Variants in NRG3 observed in about 807,000 individuals in gnomAD.
The protein encoded by NRG3 is pro-neuregulin-3, membrane-bound isoform.
NRG3 carries 31 observed loss-of-function variants against 66.9 expected under a neutral mutation model. That is an observed-to-expected ratio of 0.46 (90% CI 0.35 to 0.63). The LOEUF is 0.63. NRG3 is among the 20% of genes least tolerant of loss of function. The probability of loss-of-function intolerance (pLI) is 0.00; values close to 1 mark genes in which losing one functional copy is unlikely to be tolerated. For synonymous variants in NRG3, 393 were observed against 359.4 expected, an observed-to-expected ratio of 1.09 and a Z score of -1.06; for missense variants, 910 against 878.9, an observed-to-expected ratio of 1.04 and a Z score of -0.45.
At chr10:82,515,970 A>G (rs1845609831) in intron 2 of NRG3, among the ~76,000 whole-genome samples, 1 of 152,218 alleles carries the variant, frequency 6.6e-6, no homozygotes, top group African/African-American at 2.4e-5. Context: ...CAAACATCCA[A>G]GACAGTTTGT....
chr10:82,464,853 A>G (rs1402719286), intron 2 of NRG3, among the ~76,000 whole-genome samples: 6 of 152,206 alleles, frequency 3.9e-5, no homozygotes, highest in Non-Finnish European at 5.9e-5. Context: ...AACAGCAGCC[A>G]CTTAAGAAGC....
At chr10:81,895,531 C>T (rs1471364315) in intron 1 of NRG3, among the ~76,000 whole-genome samples, 2 of 152,090 alleles carry the variant, frequency 1.3e-5, no homozygotes, top group African/African-American at 4.8e-5. Context: ...CTATTACCAT[C>T]TTAATTAGGT....
Position 82,071,997 on chromosome 10 carries a change from A to G in NRG3, c.823+195834A>G, listed in dbSNP as rs559083555. ...CATACACACAGTCCAGTCCTTCTGA[A>G]TCCCATTTTATTAATTACCTATTTG... On this transcript the variant is annotated intron_variant, in intron 1 of 8. Coordinates refer to ENST00000372141, the MANE Select transcript of NRG3 (RefSeq NM_001010848.4). Among the ~76,000 whole-genome samples the G allele has an allele frequency of 8.5e-5, 13 of 152,300 alleles. No individual in the cohort carries two copies. The South Asian group carries it at 2.3e-3, about 27-fold the overall frequency.
chr10:81,878,868 T>A (rs1841923877), intron 1 of NRG3, among the ~76,000 whole-genome samples: 2 of 152,186 alleles, frequency 1.3e-5, no homozygotes, highest in South Asian at 4.1e-4. Flanking sequence ...CTTAGATCAA[T>A]CAGAAGGATC....
At chr10:82,658,353 G>C (rs145470167) in intron 2 of NRG3, among the ~76,000 whole-genome samples, 2,291 of 152,146 alleles carry the variant, frequency 0.015, 62 homozygotes, top group African/African-American at 0.051. Context: ...ATTCATTCCT[G>C]ATAGAAAAAC....
chr10:82,181,970 A>C (rs562797727), intron 1 of NRG3, among the ~76,000 whole-genome samples: 1 of 151,826 alleles, frequency 6.6e-6, no homozygotes, highest in Admixed American at 6.6e-5. Context: ...GTGTTATATC[A>C]TCTTGGTGAA....
At chr10:82,559,722 C>T (rs1390250155) in intron 2 of NRG3, among the ~76,000 whole-genome samples, 1 of 152,126 alleles carries the variant, frequency 6.6e-6, no homozygotes, top group Non-Finnish European at 1.5e-5. Flanking sequence ...AATATAAAAT[C>T]ATTTTATGTA....
In NRG3 at chr10:81,883,903, TTAAG is replaced by T. The variant is rs145466186; in HGVS notation, c.823+7744_823+7747del. Among the ~76,000 whole-genome samples, 420 of 152,268 alleles carry T rather than the reference TTAAG, an allele frequency of 2.8e-3. 2 individuals carry two copies. Among genetic ancestry groups the T allele is most frequent in the African/African-American group, 9.8e-3 (406 of 41,554 alleles). Reference sequence around the variant, plus strand: ...TCAGTCTTGGAAGGGGCTTAAGAATTTAAGTAATAATAAAAACGACAGCTGCCAT... The same window carrying T: ...TCAGTCTTGGAAGGGGCTTAAGAATTTAATAATAAAAACGACAGCTGCCAT... On this transcript the variant is annotated intron_variant, in intron 1 of 8. Transcript: ENST00000372141.
chr10:82,802,800 G>T (rs1385069178), intron 3 of NRG3, among the ~76,000 whole-genome samples: 3 of 151,796 alleles, frequency 2.0e-5, no homozygotes, highest in Non-Finnish European at 2.9e-5. Context: ...CTACAGGCAC[G>T]CACCACCAAG....
chr10:82,697,174 T>C (rs2055452446), intron 2 of NRG3, among the ~76,000 whole-genome samples: 1 of 152,184 alleles, frequency 6.6e-6, no homozygotes, highest in Non-Finnish European at 1.5e-5. Flanking sequence ...TCAAACATAC[T>C]TACACCACTT....
chr10:82,634,352 C>G (rs768665340), intron 2 of NRG3, among the ~76,000 whole-genome samples: 1 of 152,034 alleles, frequency 6.6e-6, no homozygotes, highest in Non-Finnish European at 1.5e-5. Context: ...TTTATGTATA[C>G]AGTACACAGA....
rs1276773308 is a variant in NRG3 at position 82,694,260 on chromosome 10, T to G, written c.954-44317T>G. On this transcript the variant is annotated intron_variant, in intron 2 of 8. Transcript: ENST00000372141. ...TGCGTTTTTACAGAGTGATGATGGGTGCATTTACAAGCCTTTAGCTAGACA... is the reference window on the plus strand; with the variant it reads ...TGCGTTTTTACAGAGTGATGATGGGGGCATTTACAAGCCTTTAGCTAGACA... Among the ~76,000 whole-genome samples the G allele has an allele frequency of 2.6e-5, 4 of 152,184 alleles. 1 individual carries two copies. In the East Asian group the frequency reaches 7.7e-4, roughly 29 times the overall value.
chr10:81,947,735 T>C (rs1259382633), intron 1 of NRG3, among the ~76,000 whole-genome samples: 2 of 152,020 alleles, frequency 1.3e-5, no homozygotes, highest in East Asian at 3.9e-4. Context: ...TATGACCTAG[T>C]CTAATCACTG....
intron 1 of NRG3, among the ~76,000 whole-genome samples, chr10:81,912,742 G>C (rs1034961269): frequency 3.9e-5 from 6 of 152,198 alleles, no homozygotes; most frequent in African/African-American, 1.4e-4. Context: ...AGGGATCCCA[G>C]TTGACAAGGC....
rs1176201025 is a variant in NRG3, at chr10:82,812,877, A to G, written c.1028-52534A>G. On this transcript the variant is annotated intron_variant, in intron 3 of 8. Transcript: ENST00000372141. ...TATGTTTATTTCAAAGAAGATAACC[A>G]GACAAAATTTGAATTTCTCCTCTGC... 2.0e-5 allele frequency among the ~76,000 whole-genome samples: 3 copies of G among 152,246 alleles called. No individual in the cohort carries two copies. In the East Asian group the frequency reaches 5.8e-4, roughly 29 times the overall value.
chr10:82,760,631 C>T (rs1004300402), intron 3 of NRG3, among the ~76,000 whole-genome samples: 1 of 151,826 alleles, frequency 6.6e-6, no homozygotes, highest in East Asian at 1.9e-4. Context: ...TGAAATAAAA[C>T]TATATTATTC....
At chr10:82,407,768 A>G (rs1233092634) in intron 2 of NRG3, among the ~76,000 whole-genome samples, 1 of 152,046 alleles carries the variant, frequency 6.6e-6, no homozygotes, top group Non-Finnish European at 1.5e-5. Flanking sequence ...TGAAGTTTAC[A>G]TGTTAAAATA....
intron 2 of NRG3, among the ~76,000 whole-genome samples, chr10:82,439,013 T>C (rs980181371): frequency 6.6e-6 from 1 of 152,162 alleles, no homozygotes; most frequent in African/African-American, 2.4e-5. Flanking sequence ...TTACTTTCTG[T>C]ACATTAACTT....
chr10:82,701,881 C>T (rs2055907366), intron 2 of NRG3, among the ~76,000 whole-genome samples: 1 of 152,140 alleles, frequency 6.6e-6, no homozygotes, highest in African/African-American at 2.4e-5. Context: ...ATTCTTCTTA[C>T]CATGTAATTT....
Sources: gnomAD v4.1 joint callset for allele counts (sites outside exome capture counted in the v4.1 genomes callset) on GRCh38, gnomAD v4.1.1 for gene constraint, MANE v1.5 for transcripts, NCBI Gene and HGNC (gene_info 2026-07-23, HGNC 2026-07-21) for gene names.